PRSS12: variants seen among roughly 807,000 people sequenced by gnomAD.
The protein encoded by PRSS12 is serine protease 12, also known as neurotrypsin.
A neutral mutation model predicts 104.4 loss-of-function variants in PRSS12; 85 were observed. The observed-to-expected ratio is 0.81, with a 90% CI of 0.68 to 0.98. PRSS12 has a LOEUF of 0.98. Among genes scored for constraint, PRSS12 ranks in the 50% least tolerant of loss-of-function variants. PRSS12 has a pLI of 0.00. For synonymous variants in PRSS12, 454 were observed against 425.2 expected, an observed-to-expected ratio of 1.07 and a Z score of -0.83; for missense variants, 1,141 against 1,139.2, an observed-to-expected ratio of 1.00 and a Z score of -0.02.
At chr4:118,303,023 T>A (rs1743439207) in intron 8 of PRSS12, among the ~76,000 whole-genome samples, 1 of 151,992 alleles carries the variant, frequency 6.6e-6, no homozygotes, top group South Asian at 2.1e-4. Context: ...GAGGTGAGAA[T>A]GGGTGGAGGT....
chr4:118,335,402 A>C, intron 3 of PRSS12, 71 bp downstream of exon 3: 1 of 1,549,774 alleles, frequency 6.5e-7, no homozygotes, highest in Non-Finnish European at 8.8e-7. Context: ...TAACTAAGAC[A>C]CTTTCATCAT....
chr4:118,298,723 G>A lies in PRSS12; in HGVS notation c.1837+10C>T, dbSNP rs370077581. On this transcript the variant is annotated intron_variant, in intron 9 of 12. Coordinates refer to ENST00000296498, the MANE Select transcript of PRSS12 (RefSeq NM_003619.4). ...CCTTGACTTGTTTAGGGCTCCAGAAGGTGACTTACCTTTATTACTGTTACC... is the reference window on the plus strand; with the variant it reads ...CCTTGACTTGTTTAGGGCTCCAGAAAGTGACTTACCTTTATTACTGTTACC... The A allele has an allele frequency of 1.2e-6, 2 of 1,613,270 alleles. No homozygotes were observed. The highest frequency in any genetic ancestry group is 1.3e-5 in the African/African-American group (1 of 74,916).
At chr4:118,339,571 G>GTT (rs1241100213) in intron 1 of PRSS12, among the ~76,000 whole-genome samples, 1 of 152,148 alleles carries the variant, frequency 6.6e-6, no homozygotes, top group Non-Finnish European at 1.5e-5. Context: ...ATAAATGGAG[G>GTT]TGAGCATTGT....
chr4:118,313,096 C>A, intron 7 of PRSS12, 105 bp downstream of exon 7: 1 of 1,352,954 alleles, frequency 7.4e-7, no homozygotes, highest in East Asian at 2.5e-5. Context: ...GGAAATAGAC[C>A]CCAAAAAAAG....
Position 118,311,189 on chromosome 4 carries a change from C to T in PRSS12, c.1489+2012G>A, listed in dbSNP as rs114206744. Among the ~76,000 whole-genome samples, 719 of 152,152 alleles carry T rather than the reference C, an allele frequency of 4.7e-3. 13 individuals are homozygous for T. Among genetic ancestry groups the T allele is most frequent in the African/African-American group, 0.017 (686 of 41,510 alleles). ...CTTTAGAATTAATGTAATATTAAAA[C>T]GAGAAATCCATATTTTTACCATCCC... On this transcript the variant is annotated intron_variant, in intron 7 of 12. Transcript: ENST00000296498.
Position 118,318,415 on chromosome 4 carries a change from A to G in PRSS12, c.1113T>C (p.His371=). 2 of 1,614,054 alleles carry G rather than the reference A, an allele frequency of 1.2e-6. No individual in the cohort carries two copies. Among genetic ancestry groups the G allele is most frequent in the South Asian group, 2.2e-5 (2 of 91,078 alleles). ...KSSWGEHNCG[H]KEDAGVSCTP... is the part of the protein sequence containing the mutation. ...TACAGGACACTCCAGCATCTTCTTT[A>G]TGGCCACAGTTATGCTCTCCCCAGG... Residue 371 remains histidine (H), a synonymous_variant, in exon 5 of 13, where the codon CAT becomes CAC. Coordinates refer to ENST00000296498, the MANE Select transcript of PRSS12 (RefSeq NM_003619.4).
intron 1 of PRSS12, among the ~76,000 whole-genome samples, chr4:118,339,281 C>G (rs1724139466): frequency 6.6e-6 from 1 of 152,036 alleles, no homozygotes; most frequent in African/African-American, 2.4e-5. Context: ...CCTACAATGG[C>G]CTTTCACAGG....
chr4:118,344,039 G>A (rs1346817137), intron 1 of PRSS12, among the ~76,000 whole-genome samples: 3 of 151,892 alleles, frequency 2.0e-5, no homozygotes, highest in Non-Finnish European at 4.4e-5. Context: ...CATTTCTATT[G>A]TTCTAGTGGA....
At chr4:118,338,411 G>T in intron 1 of PRSS12, 97 bp from the exon 2 acceptor site, 2 of 1,457,054 alleles carry the variant, frequency 1.4e-6, no homozygotes, top group South Asian at 2.4e-5. Context: ...AACTTAAGTA[G>T]TAAGGGATCC....
chr4:118,346,721 C>T (rs544061310), intron 1 of PRSS12, among the ~76,000 whole-genome samples: 20 of 152,278 alleles, frequency 1.3e-4, no homozygotes, highest in Admixed American at 7.8e-4. Flanking sequence ...ACCACCTGAG[C>T]TCTGCCTCCT....
chr4:118,303,540 T>C (rs916269115), intron 8 of PRSS12: 6 of 152,150 alleles, frequency 3.9e-5, no homozygotes, highest in African/African-American at 1.4e-4. Flanking sequence ...AATTAAGGAC[T>C]CTGCCATCCA....
intron 1 of PRSS12, among the ~76,000 whole-genome samples, chr4:118,338,808 T>C (rs1245774065): frequency 2.0e-5 from 3 of 152,216 alleles, no homozygotes; most frequent in Non-Finnish European, 4.4e-5. Context: ...CTGTGTTATA[T>C]CTTCCATTTG....
intron 10 of PRSS12, 54 bp downstream of exon 10, chr4:118,295,724 T>C: frequency 6.7e-7 from 1 of 1,486,064 alleles, no homozygotes. Context: ...TGTAACACTC[T>C]ATGTATATAA....
Position 118,352,121 on chromosome 4 carries a change from C to G in PRSS12, c.502+98G>C, listed in dbSNP as rs925942042. On this transcript the variant is annotated intron_variant, in intron 1 of 12. Transcript: ENST00000296498. ...GCAAACGCAAGCCCACAACCCCACACACCCCGTCACTTTTTCCAAGAGACC... is the reference window on the plus strand; with the variant it reads ...GCAAACGCAAGCCCACAACCCCACAGACCCCGTCACTTTTTCCAAGAGACC... 4.6e-6 allele frequency: 7 copies of G among 1,530,204 alleles called. No individual in the cohort carries two copies. The African/African-American group carries it at 9.6e-5, about 21-fold the overall frequency. The allele number at this position is 1,530,204 out of a possible 1,614,324, so 94.8% of individuals were successfully genotyped here.
chr4:118,283,863 G>A (rs1454333108), intron 11 of PRSS12, among the ~76,000 whole-genome samples: 3 of 151,954 alleles, frequency 2.0e-5, no homozygotes, highest in Non-Finnish European at 4.4e-5. Flanking sequence ...GCTATTCCAG[G>A]TCAGAGATAT....
chr4:118,313,549 T>G, intron 6 of PRSS12, 152 bp from the exon 7 acceptor site: 3 of 801,534 alleles, frequency 3.7e-6, no homozygotes, highest in Non-Finnish European at 6.3e-6. Context: ...AGTTTAGAGC[T>G]ATGTTCGCCC....
At chr4:118,343,080 T>C (rs1427532915) in intron 1 of PRSS12, among the ~76,000 whole-genome samples, 1 of 152,068 alleles carries the variant, frequency 6.6e-6, no homozygotes, top group Admixed American at 6.6e-5. Context: ...GTCTCATTGG[T>C]TTCTGAGCTT....
chr4:118,328,922 T>C (rs1183785365), intron 4 of PRSS12, among the ~76,000 whole-genome samples: 2 of 152,082 alleles, frequency 1.3e-5, no homozygotes, highest in Admixed American at 6.5e-5. Flanking sequence ...GCCTCCTGAG[T>C]AGCTGGGATC....
chr4:118,343,554 C>A (rs565930872), intron 1 of PRSS12, among the ~76,000 whole-genome samples: 1 of 152,212 alleles, frequency 6.6e-6, no homozygotes, highest in Admixed American at 6.5e-5. Flanking sequence ...AAAAGATATC[C>A]CTGTTCAGCC....
Sources: gnomAD v4.1 joint callset for allele counts (sites outside exome capture counted in the v4.1 genomes callset) on GRCh38, gnomAD v4.1.1 for gene constraint, MANE v1.5 for transcripts, NCBI Gene and HGNC (gene_info 2026-07-23, HGNC 2026-07-21) for gene names.